DNAH11: variants seen among roughly 807,000 people sequenced by gnomAD.
DNAH11 encodes the protein dynein axonemal heavy chain 11.
DNAH11 carries 442 observed loss-of-function variants against 526.0 expected under a neutral mutation model. The ratio of observed to expected loss-of-function variants is 0.84; its 90% CI spans 0.78 to 0.91. The LOEUF (loss-of-function observed/expected upper bound fraction) is 0.91, where lower values mean the gene tolerates loss of function less well. DNAH11 is among the 40% of genes least tolerant of loss of function. The pLI is 0.00. For synonymous variants in DNAH11, 2,461 were observed against 1,935.9 expected (o/e 1.27, Z -7.12); for missense variants, 6,989 against 5,448.7 (o/e 1.28, Z -8.90).
At chr7:21,852,657 A>C (rs1261578765) in intron 67 of DNAH11, 26 bp downstream of exon 67, 1 of 1,551,486 alleles carries the variant, frequency 6.4e-7, no homozygotes, top group African/African-American at 1.4e-5. Context: ...GGTGCCTGGC[A>C]GATTCTAATG....
chr7:21,584,929 T>C (rs959025881), intron 9 of DNAH11, among the ~76,000 whole-genome samples: 2 of 146,970 alleles, frequency 1.4e-5, no homozygotes, highest in Admixed American at 1.3e-4. Context: ...TAGTTTTCTT[T>C]CTTGCTTTTA....
At chr7:21,568,925 T>A (rs191270319) in intron 6 of DNAH11, among the ~76,000 whole-genome samples, 9 of 152,328 alleles carry the variant, frequency 5.9e-5, no homozygotes, top group Admixed American at 1.3e-4. Flanking sequence ...GCTGAGGGAT[T>A]CCTGGTGGTT....
chr7:21,664,443 T>A (rs1251123963), intron 30 of DNAH11, among the ~76,000 whole-genome samples: 1 of 151,546 alleles, frequency 6.6e-6, no homozygotes, highest in Non-Finnish European at 1.5e-5. Context: ...TTTCTATAGA[T>A]CTTCTAAGTT....
At chr7:21,620,150 T>C in intron 25 of DNAH11, 72 bp downstream of exon 25, 1 of 1,231,584 alleles carries the variant, frequency 8.1e-7, no homozygotes, top group South Asian at 1.7e-5. Context: ...ATATATAGGG[T>C]ACCATGTGAT....
In DNAH11 at chr7:21,728,237, C is replaced by CT. The variant is rs71026816; in HGVS notation, c.7440+2291dup. On this transcript the variant is annotated intron_variant, in intron 45 of 81. Transcript: ENST00000409508. ...TCACCCATTCCAACAGCCCACAATT[C>CT]TTTTTTTTTTTTTTTTTTTTTTTTT... Among the ~76,000 whole-genome samples the CT allele has an allele frequency of 6.1e-4, 36 of 58,946 alleles. 3 individuals are homozygous for CT. Among genetic ancestry groups the CT allele is most frequent in the East Asian group, 1.5e-3 (2 of 1,376 alleles). The allele number at this position is 58,946 out of a possible 152,430, so 38.7% of individuals were successfully genotyped here.
intron 55 of DNAH11, among the ~76,000 whole-genome samples, chr7:21,768,007 AC>A (rs1459820537): frequency 1.3e-5 from 2 of 152,094 alleles, no homozygotes; most frequent in Non-Finnish European, 2.9e-5. Flanking sequence ...ATCAGTACAC[AC>A]TCAGCACCCA....
Position 21,546,681 on chromosome 7 carries a change from T to C in DNAH11, c.495+1532T>C, listed in dbSNP as rs550573309. ...TTATACTTAGCCAAAGTATATAAAA[T>C]GTCATATGGTTATTTCTTTATGTAT... On this transcript the variant is annotated intron_variant, in intron 2 of 81. Coordinates refer to ENST00000409508, the MANE Select transcript of DNAH11 (RefSeq NM_001277115.2). 3.3e-5 allele frequency among the ~76,000 whole-genome samples: 5 copies of C among 152,364 alleles called. No individual in the cohort carries two copies. The East Asian group carries it at 9.6e-4, about 29-fold the overall frequency.
chr7:21,631,315 C>T (rs1271098861), intron 25 of DNAH11, among the ~76,000 whole-genome samples: 1 of 152,122 alleles, frequency 6.6e-6, no homozygotes, highest in Non-Finnish European at 1.5e-5. Context: ...TCATTCCACC[C>T]CTGGTCCCTC....
chr7:21,864,119 T>C (rs925067963), intron 69 of DNAH11, among the ~76,000 whole-genome samples: 3 of 152,236 alleles, frequency 2.0e-5, no homozygotes, highest in Non-Finnish European at 2.9e-5. Context: ...TTGTAGTTTA[T>C]TGAATAACTA....
At chr7:21,714,606 G>A (rs1047846249) in intron 42 of DNAH11, among the ~76,000 whole-genome samples, 9 of 152,106 alleles carry the variant, frequency 5.9e-5, no homozygotes, top group Admixed American at 3.9e-4. Context: ...TTTTCCAAGC[G>A]AATCTCGTAA....
chr7:21,707,938 G>T (rs541978137), intron 40 of DNAH11, 103 bp downstream of exon 40: 2 of 1,245,014 alleles, frequency 1.6e-6, no homozygotes, highest in Admixed American at 2.9e-5. Flanking sequence ...TACTGTTTAT[G>T]TGTTGGCATT....
intron 35 of DNAH11, among the ~76,000 whole-genome samples, chr7:21,694,667 T>C (rs58062874): frequency 0.14 from 20,646 of 152,114 alleles, 1,430 homozygotes; most frequent in East Asian, 0.21. Context: ...CATACATGTG[T>C]ATACGTCTTT....
At chr7:21,835,055 T>C (rs778487566) in intron 65 of DNAH11, among the ~76,000 whole-genome samples, 38 of 151,882 alleles carry the variant, frequency 2.5e-4, no homozygotes, top group Non-Finnish European at 4.7e-4. Flanking sequence ...CTATCAAAAT[T>C]GAATCATGAA....
At chr7:21,585,867 G>GT (rs1297612786) in intron 9 of DNAH11, among the ~76,000 whole-genome samples, 8 of 152,168 alleles carry the variant, frequency 5.3e-5, no homozygotes, top group African/African-American at 1.9e-4. Flanking sequence ...GATCTCAGAT[G>GT]TGATATTTAG....
chr7:21,699,487 C>T (rs1163719186), intron 36 of DNAH11, among the ~76,000 whole-genome samples: 2 of 152,096 alleles, frequency 1.3e-5, no homozygotes, highest in African/African-American at 4.8e-5. Flanking sequence ...CATCAGAATA[C>T]CACAGTTGCA....
intron 54 of DNAH11, among the ~76,000 whole-genome samples, chr7:21,751,053 G>T (rs1467579254): frequency 6.6e-6 from 1 of 152,102 alleles, no homozygotes; most frequent in Admixed American, 6.5e-5. Context: ...GCCGGGTGCA[G>T]TGGCTCACAC....
At chr7:21,800,839 C>T (rs568744804) in intron 61 of DNAH11, among the ~76,000 whole-genome samples, 10 of 152,230 alleles carry the variant, frequency 6.6e-5, no homozygotes, top group East Asian at 1.9e-4. Context: ...GCACCCACGG[C>T]GTATTTGCAT....
chr7:21,590,189 T>A (rs1157521402), intron 12 of DNAH11, among the ~76,000 whole-genome samples: 1 of 152,164 alleles, frequency 6.6e-6, no homozygotes, highest in Non-Finnish European at 1.5e-5. Flanking sequence ...AATTATACAA[T>A]ATGTGCATAT....
chr7:21,831,598 C>G (rs1358445243), intron 65 of DNAH11, among the ~76,000 whole-genome samples: 1 of 152,038 alleles, frequency 6.6e-6, no homozygotes, highest in South Asian at 2.1e-4. Context: ...GCAGCATCCT[C>G]CCCCCCTCTA....
Sources: gnomAD v4.1 joint callset for allele counts (sites outside exome capture counted in the v4.1 genomes callset) on GRCh38, gnomAD v4.1.1 for gene constraint, MANE v1.5 for transcripts, NCBI Gene and HGNC (gene_info 2026-07-23, HGNC 2026-07-21) for gene names.